The following BBS9 variants were observed in gnomAD, a reference collection of about 807,000 sequenced individuals.
BBS9 encodes the protein protein PTHB1.
BBS9 carries 89 observed loss-of-function variants against 117.7 expected under a neutral mutation model. That is an observed-to-expected ratio of 0.76 (90% confidence interval 0.64 to 0.90). BBS9 has a LOEUF of 0.90. Ranked by LOEUF, BBS9 falls within the 40% of genes least tolerant of loss-of-function variation. BBS9 has a pLI of 0.00. For missense variants in BBS9, 982 were observed against 1,042.2 expected, an observed-to-expected ratio of 0.94 and a Z score of 0.80; for synonymous variants, 379 against 370.9, an observed-to-expected ratio of 1.02 and a Z score of -0.25.
intron 19 of BBS9, among the ~76,000 whole-genome samples, chr7:33,422,722 G>C (rs886162426): frequency 5.3e-5 from 8 of 152,122 alleles, no homozygotes; most frequent in African/African-American, 1.7e-4. Flanking sequence ...AGAGCTATCA[G>C]ATTTTTAAAG....
chr7:33,341,922 C>CAG (rs1356611239), intron 11 of BBS9, among the ~76,000 whole-genome samples: 47 of 152,094 alleles, frequency 3.1e-4, no homozygotes. Context: ...CAGATGATCA[C>CAG]CAACAGAAAT....
rs1355234269 is a variant in BBS9, at chr7:33,505,635, C to T, written c.2288C>T (p.Thr763Ile). Residue 763 changes from threonine to isoleucine, a missense_variant, in exon 20 of 23, where the codon ACT becomes ATT. Physicochemically the swap from Thr to Ile is moderately conservative, Grantham distance 89. Coordinates refer to ENST00000242067, the MANE Select transcript of BBS9 (RefSeq NM_198428.3). ...GCATTTCTGCCGCTACAAGAAGACA[C>T]TCAAGAATTGGTAAGGACCTGAAAG... Reference protein sequence around the residue: ...EAAFLPLQEDTQELGWEETVD... With the variant: ...EAAFLPLQEDIQELGWEETVD... 2 of 1,613,516 alleles carry T rather than the reference C, an allele frequency of 1.2e-6. No individual in the cohort carries two copies. The highest frequency in any genetic ancestry group is 2.2e-5 in the East Asian group (1 of 44,872).
At chr7:33,515,300 A>C (rs1484782493) in intron 20 of BBS9, among the ~76,000 whole-genome samples, 1 of 152,196 alleles carries the variant, frequency 6.6e-6, no homozygotes, top group Non-Finnish European at 1.5e-5. Context: ...TATCCCTGAA[A>C]CTTCTTCACA....
intron 9 of BBS9, among the ~76,000 whole-genome samples, chr7:33,299,172 A>C (rs543077740): frequency 1.3e-5 from 2 of 152,146 alleles, no homozygotes; most frequent in Non-Finnish European, 2.9e-5. Context: ...TTTTATTCAC[A>C]ATTGCATGCA....
intron 20 of BBS9, among the ~76,000 whole-genome samples, chr7:33,510,594 C>T (rs1229407798): frequency 6.6e-6 from 1 of 152,086 alleles, no homozygotes; most frequent in East Asian, 1.9e-4. Flanking sequence ...GACTTAGAGC[C>T]AATCCTTTGT....
intron 19 of BBS9, among the ~76,000 whole-genome samples, chr7:33,391,588 T>G (rs949234682): frequency 5.9e-5 from 9 of 152,246 alleles, no homozygotes; most frequent in African/African-American, 1.9e-4. Context: ...GTTGTTTTAC[T>G]TCTTACCTCT....
chr7:33,465,701 C>T (rs1283654774), intron 19 of BBS9, among the ~76,000 whole-genome samples: 1 of 152,068 alleles, frequency 6.6e-6, no homozygotes, highest in Non-Finnish European at 1.5e-5. Flanking sequence ...ACAATAGCCT[C>T]ATTTTGTAAG....
intron 5 of BBS9, among the ~76,000 whole-genome samples, chr7:33,197,333 A>G (rs1785110359): frequency 6.6e-6 from 1 of 152,080 alleles, no homozygotes; most frequent in Admixed American, 6.6e-5. Context: ...GAAAATGGCT[A>G]CCATGAACTA....
At chr7:33,205,572 C>T (rs564578447) in intron 5 of BBS9, among the ~76,000 whole-genome samples, 1 of 152,228 alleles carries the variant, frequency 6.6e-6, no homozygotes, top group African/African-American at 2.4e-5. Context: ...ACAAGGATAT[C>T]ATGCAAACCC....
chr7:33,383,035 A>G (rs1441265903), intron 17 of BBS9, among the ~76,000 whole-genome samples: 2 of 152,118 alleles, frequency 1.3e-5, no homozygotes, highest in Admixed American at 1.3e-4. Context: ...TCTTACCATC[A>G]TTGTCACCAT....
At chr7:33,418,995 A>T (rs1339545111) in intron 19 of BBS9, among the ~76,000 whole-genome samples, 4 of 152,190 alleles carry the variant, frequency 2.6e-5, no homozygotes, top group African/African-American at 9.7e-5. Flanking sequence ...TCCCTGTAGC[A>T]CTTAGCAAAA....
chr7:33,341,070 T>A (rs1408410377), intron 11 of BBS9, 97 bp downstream of exon 11: 33 of 993,072 alleles, frequency 3.3e-5, no homozygotes, highest in Middle Eastern at 2.1e-4. Context: ...GTCCTCCAAG[T>A]AGACACTTCA....
chr7:33,592,661 A>G (rs2129181480), intron 21 of BBS9, among the ~76,000 whole-genome samples: 1 of 152,206 alleles, frequency 6.6e-6, no homozygotes, highest in Non-Finnish European at 1.5e-5. Context: ...CAAGCCAGTG[A>G]CCCAGCTGGA....
chr7:33,594,448 G>A (rs1862411947), intron 21 of BBS9, among the ~76,000 whole-genome samples: 1 of 152,042 alleles, frequency 6.6e-6, no homozygotes, highest in Non-Finnish European at 1.5e-5. Flanking sequence ...GCAAAAACAG[G>A]GAGAAAGAAA....
At chr7:33,283,845 A>G (rs374805152) in intron 9 of BBS9, among the ~76,000 whole-genome samples, 1 of 152,140 alleles carries the variant, frequency 6.6e-6, no homozygotes, top group East Asian at 1.9e-4. Context: ...GATCACCTGA[A>G]TATTTTCACC....
chr7:33,317,580 T>C (rs1810790288), intron 9 of BBS9, among the ~76,000 whole-genome samples: 1 of 152,198 alleles, frequency 6.6e-6, no homozygotes, highest in African/African-American at 2.4e-5. Flanking sequence ...ATAATGTGGT[T>C]TCACCCCCTA....
chr7:33,566,007 G>T (rs1325540636), intron 21 of BBS9, among the ~76,000 whole-genome samples: 1 of 150,748 alleles, frequency 6.6e-6, no homozygotes, highest in Non-Finnish European at 1.5e-5. Context: ...AAAATGTAAG[G>T]AGTGTGGTCT....
chr7:33,547,012 T>C (rs1452565361), intron 21 of BBS9, among the ~76,000 whole-genome samples: 3 of 152,188 alleles, frequency 2.0e-5, no homozygotes, highest in Admixed American at 6.5e-5. Flanking sequence ...ATGCCCACCA[T>C]GTATTTTTTT....
chr7:33,384,715 T>TGTGA (rs370625971), intron 18 of BBS9, among the ~76,000 whole-genome samples: 19 of 144,816 alleles, frequency 1.3e-4, no homozygotes, highest in African/African-American at 2.3e-4. Context: ...TGTGTGTGTG[T>TGTGA]GAGAGAGAGA....
Sources: gnomAD v4.1 joint callset for allele counts (sites outside exome capture counted in the v4.1 genomes callset) on GRCh38, gnomAD v4.1.1 for gene constraint, MANE v1.5 for transcripts, NCBI Gene and HGNC (gene_info 2026-07-23, HGNC 2026-07-21) for gene names.